The following AP1G1 variants were observed in gnomAD, a reference collection of about 807,000 sequenced individuals.
AP1G1 encodes the protein AP-1 complex subunit gamma-1.
In AP1G1, 7 loss-of-function variants were observed where a neutral mutation model predicts 108.3. The observed-to-expected ratio is 0.06, with a 90% CI of 0.04 to 0.12. The LOEUF (loss-of-function observed/expected upper bound fraction) is 0.12. AP1G1 is among the 10% of genes least tolerant of loss of function. The probability of loss-of-function intolerance (pLI) is 1.00; values close to 1 mark genes in which losing one functional copy is unlikely to be tolerated. For synonymous variants in AP1G1, 379 were observed against 353.5 expected (o/e 1.07, Z -0.81); for missense variants, 756 against 1,010.7 (o/e 0.75, Z 3.42).
chr16:71,781,364 C>A (rs1471606530), intron 2 of AP1G1, among the ~76,000 whole-genome samples: 1 of 152,162 alleles, frequency 6.6e-6, no homozygotes, highest in Non-Finnish European at 1.5e-5. Flanking sequence ...ACTCAAAATA[C>A]ATAAAAATCA....
At chr16:71,761,810 C>A (rs190300457) in intron 9 of AP1G1, among the ~76,000 whole-genome samples, 125 of 129,152 alleles carry the variant, frequency 9.7e-4, no homozygotes, top group Non-Finnish European at 1.5e-3. Flanking sequence ...GAGCAAGACT[C>A]CATCTCAAAA....
chr16:71,808,099 A>G, intron 1 of AP1G1: 1 of 1,156,518 alleles, frequency 8.6e-7, no homozygotes, highest in Non-Finnish European at 1.1e-6. Context: ...TCTTTCAGGC[A>G]ATCAGGAAGA....
intron 1 of AP1G1, among the ~76,000 whole-genome samples, chr16:71,797,016 T>TTACA (rs887745752): frequency 2.6e-4 from 38 of 145,828 alleles, no homozygotes; most frequent in African/African-American, 7.3e-4. Flanking sequence ...AAAAAAAAAA[T>TTACA]TATATATATA....
At chr16:71,736,117 A>AAAAAAT (rs1555550846) in intron 21 of AP1G1, among the ~76,000 whole-genome samples, 8 of 71,630 alleles carry the variant, frequency 1.1e-4, no homozygotes, top group African/African-American at 2.5e-4. Flanking sequence ...AAAAAAAAAA[A>AAAAAAT]ATATATATAT....
At chr16:71,745,449 A>AT in intron 18 of AP1G1, 24 bp downstream of exon 18, 1 of 1,614,042 alleles carries the variant, frequency 6.2e-7, no homozygotes, top group Non-Finnish European at 8.5e-7. Flanking sequence ...GAAGCCCCAG[A>AT]TGAGCAAGTG....
intron 6 of AP1G1, among the ~76,000 whole-genome samples, chr16:71,768,753 A>C (rs1483707859): frequency 7.1e-6 from 1 of 140,328 alleles, no homozygotes; most frequent in Admixed American, 7.2e-5. Context: ...GACTCTACTA[A>C]AAATACAAAA....
chr16:71,771,281 G>C, intron 4 of AP1G1, 29 bp from the exon 5 acceptor site: 1 of 1,367,154 alleles, frequency 7.3e-7, no homozygotes, highest in Non-Finnish European at 9.9e-7. Flanking sequence ...AAGAACAAAA[G>C]GTTTATTTCA....
At chr16:71,807,817 T>C (rs1366659137) in intron 1 of AP1G1, 1 of 1,289,278 alleles carries the variant, frequency 7.8e-7, no homozygotes, top group South Asian at 1.2e-5. Flanking sequence ...TTAATATTTT[T>C]CTCCATGGAC....
intron 1 of AP1G1, among the ~76,000 whole-genome samples, chr16:71,790,593 C>T (rs972820142): frequency 4.7e-5 from 7 of 149,058 alleles, no homozygotes; most frequent in Non-Finnish European, 3.0e-5. Flanking sequence ...CAAATATACA[C>T]AAGTGATTTT....
At chr16:71,768,965 T>TAAA (rs11374038) in intron 6 of AP1G1, among the ~76,000 whole-genome samples, 653 of 71,302 alleles carry the variant, frequency 9.2e-3, no homozygotes, top group East Asian at 0.017. Context: ...TTCCTGCCTT[T>TAAA]AAAAAAAAAA....
chr16:71,807,204 T>C (rs1197445043), intron 1 of AP1G1, among the ~76,000 whole-genome samples: 2 of 152,144 alleles, frequency 1.3e-5, no homozygotes, highest in East Asian at 1.9e-4. Flanking sequence ...GGCGGGCGGA[T>C]TACCTGAGCT....
intron 11 of AP1G1, among the ~76,000 whole-genome samples, chr16:71,756,581 A>C (rs928015740): frequency 2.0e-5 from 3 of 152,072 alleles, no homozygotes; most frequent in African/African-American, 7.2e-5. Context: ...CTTTTATTAC[A>C]CCCCACTCTG....
intron 2 of AP1G1, among the ~76,000 whole-genome samples, chr16:71,785,860 C>T (rs1332744009): frequency 1.3e-5 from 2 of 151,522 alleles, no homozygotes; most frequent in African/African-American, 4.9e-5. Flanking sequence ...CCAGCCTGGG[C>T]AACAGGGCGA....
At chr16:71,749,109 G>A (rs1385681970) in intron 15 of AP1G1, among the ~76,000 whole-genome samples, 1 of 151,966 alleles carries the variant, frequency 6.6e-6, no homozygotes, top group Non-Finnish European at 1.5e-5. Flanking sequence ...GGGTTTCACT[G>A]TGTTAGCCAG....
intron 6 of AP1G1, among the ~76,000 whole-genome samples, chr16:71,768,423 C>T (rs1356842562): frequency 7.4e-6 from 1 of 134,716 alleles, no homozygotes; most frequent in African/African-American, 2.8e-5. Flanking sequence ...ATCACTTGAA[C>T]CCAGGAGGTG....
At chr16:71,795,814 G>C (rs1432380207) in intron 1 of AP1G1, among the ~76,000 whole-genome samples, 3 of 152,164 alleles carry the variant, frequency 2.0e-5, no homozygotes, top group Admixed American at 2.0e-4. Flanking sequence ...TCTTTCTTTT[G>C]AGGGGAGTAG....
At chr16:71,775,566 C>T (rs192000133) in intron 2 of AP1G1, among the ~76,000 whole-genome samples, 49 of 152,120 alleles carry the variant, frequency 3.2e-4, no homozygotes, top group African/African-American at 1.1e-3. Context: ...GAGCACCTAA[C>T]GTGTACTTAA....
At chr16:71,738,856 A>G (rs1567639817) in intron 21 of AP1G1, 86 bp downstream of exon 21, 1 of 1,249,018 alleles carries the variant, frequency 8.0e-7, no homozygotes, top group Non-Finnish European at 1.1e-6. Flanking sequence ...TGTAAACATT[A>G]AAACATATCC....
At chr16:71,763,557 T>C (rs1047117844) in intron 9 of AP1G1, among the ~76,000 whole-genome samples, 1 of 152,236 alleles carries the variant, frequency 6.6e-6, no homozygotes, top group African/African-American at 2.4e-5. Context: ...ATGACTTATC[T>C]CTATGCATGA....
Sources: gnomAD v4.1 joint callset for allele counts (sites outside exome capture counted in the v4.1 genomes callset) on GRCh38, gnomAD v4.1.1 for gene constraint, MANE v1.5 for transcripts, NCBI Gene and HGNC (gene_info 2026-07-23, HGNC 2026-07-21) for gene names.